IQSEC1: variants seen among roughly 807,000 people sequenced by gnomAD.
The protein encoded by IQSEC1 is IQ motif and Sec7 domain ArfGEF 1.
IQSEC1 carries 31 observed loss-of-function variants against 91.0 expected under a neutral mutation model. The ratio of observed to expected loss-of-function variants is 0.34; its 90% CI spans 0.26 to 0.46. The LOEUF (loss-of-function observed/expected upper bound fraction) is 0.46. IQSEC1 is among the 20% of genes least tolerant of loss of function. The pLI is 1.00. For synonymous variants in IQSEC1, 699 were observed against 662.6 expected (o/e 1.05, Z -0.84); for missense variants, 1,388 against 1,575.6 (o/e 0.88, Z 2.02).
chr3:13,113,928 A>T (rs1172249811), intron 2 of IQSEC1, among the ~76,000 whole-genome samples: 1 of 152,284 alleles, frequency 6.6e-6, no homozygotes, highest in Non-Finnish European at 1.5e-5. Flanking sequence ...GCAGGTCACC[A>T]AATGACTCAT....
intron 1 of IQSEC1, chr3:12,986,845 G>T (rs934419553): frequency 1.1e-5 from 3 of 268,334 alleles, no homozygotes; most frequent in African/African-American, 6.9e-5. Flanking sequence ...GCTTGCTGTG[G>T]GCTGTGGCAT....
At chr3:13,275,532 C>T (rs540220992) in intron 1 of IQSEC1, among the ~76,000 whole-genome samples, 7 of 152,312 alleles carry the variant, frequency 4.6e-5, no homozygotes, top group Non-Finnish European at 8.8e-5. Flanking sequence ...GGCACAGACA[C>T]ACCACACATG....
intron 1 of IQSEC1, chr3:12,987,139 T>A: frequency 4.2e-6 from 1 of 240,930 alleles, no homozygotes; most frequent in South Asian, 3.1e-5. Context: ...ATCCGCCAGC[T>A]CCCGAGTCAG....
intron 1 of IQSEC1, among the ~76,000 whole-genome samples, chr3:13,213,236 C>A (rs1018539800): frequency 1.3e-5 from 2 of 152,158 alleles, no homozygotes; most frequent in African/African-American, 4.8e-5. Flanking sequence ...AAGCAAGAGT[C>A]CAGATTCATT....
chr3:13,170,971 G>A (rs1693596109), intron 1 of IQSEC1, among the ~76,000 whole-genome samples: 1 of 152,082 alleles, frequency 6.6e-6, no homozygotes, highest in Non-Finnish European at 1.5e-5. Context: ...ATGATGGTGA[G>A]TGCCTGTAAT....
At position 13,211,970 on chromosome 3, in the gene IQSEC1, G is replaced by A. The variant is rs762767281; in HGVS notation, c.273-47837C>T. Among the ~76,000 whole-genome samples, 3 of 152,320 alleles carry A rather than the reference G, an allele frequency of 2.0e-5. No homozygotes were observed. The highest frequency in any genetic ancestry group is 2.9e-5 in the Non-Finnish European group (2 of 68,022). On this transcript the variant is annotated intron_variant, in intron 1 of 15. Coordinates refer to the IQSEC1 transcript ENST00000648114. The surrounding 1 kb of genome is among the most constrained non-coding windows in gnomAD (Gnocchi z 5.3). ...GCCCCTGTGGGCTCTGGCGCGTGTCGGTGCCCAGCCTCTGTGAGAGGCCCT... is the reference window on the plus strand; with the variant it reads ...GCCCCTGTGGGCTCTGGCGCGTGTCAGTGCCCAGCCTCTGTGAGAGGCCCT...
At chr3:13,090,078 T>A (rs1705812185) in intron 2 of IQSEC1, among the ~76,000 whole-genome samples, 1 of 145,558 alleles carries the variant, frequency 6.9e-6, no homozygotes. Flanking sequence ...ATTAGCGGGG[T>A]GTGGTGGCGT....
chr3:13,140,081 C>A (rs1418746436), intron 2 of IQSEC1, among the ~76,000 whole-genome samples: 1 of 152,228 alleles, frequency 6.6e-6, no homozygotes, highest in Non-Finnish European at 1.5e-5. Flanking sequence ...TCCAACCCAC[C>A]TCACCCCAGC....
chr3:13,188,161 C>T lies in IQSEC1; in HGVS notation c.273-24028G>A, dbSNP rs191788773. ...AAACTGAGACTGCTTCTAGTTGTCCCTCCTTTCATGCCCTGTTGTGGGCAT... is the reference window on the plus strand; with the variant it reads ...AAACTGAGACTGCTTCTAGTTGTCCTTCCTTTCATGCCCTGTTGTGGGCAT... On this transcript the variant is annotated intron_variant, in intron 1 of 15. Transcript: ENST00000648114. 2.1e-3 allele frequency among the ~76,000 whole-genome samples: 322 copies of T among 152,336 alleles called. 1 individual carries two copies. The highest frequency in any genetic ancestry group is 6.4e-3 in the African/African-American group (268 of 41,584).
chr3:13,038,262 G>GTGTATATATA (rs1491471643), intron 1 of IQSEC1, among the ~76,000 whole-genome samples: 64 of 101,198 alleles, frequency 6.3e-4, no homozygotes, highest in Non-Finnish European at 8.9e-4. Flanking sequence ...GTGTGTGTGT[G>GTGTATATATA]TATATATATA....
At chr3:13,016,743 C>T (rs1166907350) in intron 1 of IQSEC1, among the ~76,000 whole-genome samples, 1 of 152,346 alleles carries the variant, frequency 6.6e-6, no homozygotes, top group South Asian at 2.1e-4. Flanking sequence ...TCTTTTCAAA[C>T]AGTCTTATTA....
chr3:13,013,162 T>C (rs1419923720), intron 1 of IQSEC1, among the ~76,000 whole-genome samples: 1 of 152,092 alleles, frequency 6.6e-6, no homozygotes, highest in African/African-American at 2.4e-5. Context: ...GGTTTCACCA[T>C]ATTGGTCAGG....
chr3:13,205,534 C>CCCACCCAT (rs1256555518), intron 1 of IQSEC1, among the ~76,000 whole-genome samples: 3 of 151,554 alleles, frequency 2.0e-5, no homozygotes, highest in Non-Finnish European at 4.4e-5. Flanking sequence ...TATCCATCCA[C>CCCACCCAT]CCACCCATCC....
At chr3:13,083,175 C>G (rs763756125) in intron 2 of IQSEC1, among the ~76,000 whole-genome samples, 1 of 152,150 alleles carries the variant, frequency 6.6e-6, no homozygotes, top group Non-Finnish European at 1.5e-5. Context: ...AATTAATGCC[C>G]GTGGACTGAA....
intron 2 of IQSEC1, among the ~76,000 whole-genome samples, chr3:13,113,388 C>A (rs1452427005): frequency 6.6e-6 from 1 of 152,238 alleles, no homozygotes; most frequent in Non-Finnish European, 1.5e-5. Flanking sequence ...GCCCCTTGAC[C>A]TCTCTGGGCC....
In IQSEC1 at chr3:12,913,519, T is replaced by C. The variant is rs1319515707; in HGVS notation, c.2225A>G (p.Tyr742Cys). The change falls in exon 9 of 14, where the codon TAC (tyrosine) becomes TGC (cysteine). Residue 742 changes from tyrosine to cysteine, a missense_variant. By Grantham distance (194) the Tyr-to-Cys change is radical (BLOSUM62 -2). Around this residue, in one of 2 missense-constraint regions of IQSEC1, gnomAD observed 1,059 missense variants for 1,317.8 expected, o/e 0.80. Coordinates refer to ENST00000613206, the MANE Select transcript of IQSEC1 (RefSeq NM_001134382.3). ...GTCTGGAACCTCAAAGAGCCGGCAG[T>C]AGCAGACCAACCGACGGTGGGGCAG... Reference protein sequence around the residue: ...LSLPHRRLVCYCRLFEVPDPN... With the variant: ...LSLPHRRLVCCCRLFEVPDPN... 1 of 1,607,392 alleles carries C rather than the reference T, an allele frequency of 6.2e-7. No homozygotes were observed. The highest frequency in any genetic ancestry group is 1.1e-5 in the South Asian group (1 of 90,900).
At chr3:13,152,133 G>A (rs1333454047) in intron 2 of IQSEC1, among the ~76,000 whole-genome samples, 1 of 152,208 alleles carries the variant, frequency 6.6e-6, no homozygotes, top group Non-Finnish European at 1.5e-5. Flanking sequence ...AGAGTGGAGA[G>A]GATGCAGGGA....
At chr3:13,033,980 T>C (rs908996576) in intron 1 of IQSEC1, among the ~76,000 whole-genome samples, 1 of 152,166 alleles carries the variant, frequency 6.6e-6, no homozygotes, top group African/African-American at 2.4e-5. Flanking sequence ...GGTGGCCCAA[T>C]TTCCTTTTCT....
At chr3:13,258,221 C>A (rs1353075449) in intron 1 of IQSEC1, among the ~76,000 whole-genome samples, 1 of 152,126 alleles carries the variant, frequency 6.6e-6, no homozygotes, top group Admixed American at 6.5e-5. Context: ...TCATCCATTG[C>A]GGCAGATGTG....
Sources: gnomAD v4.1 joint callset for allele counts (sites outside exome capture counted in the v4.1 genomes callset) on GRCh38, gnomAD v4.1.1 for gene constraint, gnomAD v4.1.1 regional missense constraint, Gnocchi (gnomAD v3.1) non-coding constraint, MANE v1.5 for transcripts, NCBI Gene and HGNC (gene_info 2026-07-23, HGNC 2026-07-21) for gene names.